Variants in HEXA observed in about 807,000 individuals in gnomAD.
HEXA encodes the protein beta-hexosaminidase subunit alpha.
Under a neutral mutation model 73.3 loss-of-function variants are expected in HEXA, and 54 were observed. The ratio of observed to expected loss-of-function variants is 0.74; its 90% CI spans 0.59 to 0.92. The LOEUF (loss-of-function observed/expected upper bound fraction) is 0.92. HEXA is among the 40% of genes least tolerant of loss of function. HEXA has a pLI of 0.00. For missense variants in HEXA, 649 were observed against 653.0 expected (o/e 0.99, Z 0.07); for synonymous variants, 230 against 246.9 (o/e 0.93, Z 0.64).
intron 4 of HEXA, 100 bp from the exon 5 acceptor site, chr15:72,353,278 T>C: frequency 1.3e-6 from 1 of 759,398 alleles, no homozygotes; most frequent in Non-Finnish European, 2.3e-6. Flanking sequence ...AAAAAGCCAA[T>C]CTGTGACTGT....
rs1365983427 is a variant in HEXA at position 72,346,321 on chromosome 15, G to A, written c.1335C>T (p.Thr445=). 1 of 1,611,952 alleles carries A rather than the reference G, an allele frequency of 6.2e-7. No homozygotes were observed. The highest frequency in any genetic ancestry group is 1.1e-5 in the South Asian group (1 of 90,996). ...YIVEPLAFEG[T]PEQKALVIGG... Reference sequence around the variant, plus strand: ...CAATCACCAGAGCCTTCTGCTCAGGGGTACCTGAGGGAAAACAAGCAACAA... The same window carrying A: ...CAATCACCAGAGCCTTCTGCTCAGGAGTACCTGAGGGAAAACAAGCAACAA... The change falls in exon 12 of 14, where the codon ACC becomes ACT. Residue 445 remains threonine (T), a synonymous_variant. Transcript: ENST00000268097.
At chr15:72,352,124 T>C (rs1006877969) in intron 5 of HEXA, among the ~76,000 whole-genome samples, 4 of 152,126 alleles carry the variant, frequency 2.6e-5, no homozygotes, top group African/African-American at 4.8e-5. Flanking sequence ...GCCTGGCTAA[T>C]TTTTTGTATT....
chr15:72,372,412 T>G (rs1016499795), intron 1 of HEXA, among the ~76,000 whole-genome samples: 1 of 151,960 alleles, frequency 6.6e-6, no homozygotes, highest in Admixed American at 6.6e-5. Flanking sequence ...TTGGAAAAAT[T>G]TGGACTTTAT....
Position 72,347,773 on chromosome 15 carries a change from A to T in HEXA, c.1074-15T>A. Reference sequence around the variant, plus strand: ...TGTCCAGCAGCCTGGAGAGGAGAGGAGTGTCTAGTAAGTGTCTGCTTAGCT... The same window carrying T: ...TGTCCAGCAGCCTGGAGAGGAGAGGTGTGTCTAGTAAGTGTCTGCTTAGCT... On this transcript the variant is annotated splice_polypyrimidine_tract_variant and intron_variant, in intron 9 of 13. Coordinates refer to ENST00000268097, the MANE Select transcript of HEXA (RefSeq NM_000520.6). The T allele has an allele frequency of 6.2e-7, 1 of 1,612,526 alleles. No individual in the cohort carries two copies.
chr15:72,345,664 A>G (rs1384645762), intron 12 of HEXA, 114 bp from the exon 13 acceptor site: 1 of 1,535,942 alleles, frequency 6.5e-7, no homozygotes, highest in African/African-American at 1.4e-5. Flanking sequence ...AGGCCAAAGG[A>G]AGTGATCAAT....
intron 13 of HEXA, chr15:72,345,203 C>G (rs1454672687): frequency 1.7e-6 from 1 of 597,876 alleles, no homozygotes; most frequent in Non-Finnish European, 2.8e-6. Flanking sequence ...TTACTTATAC[C>G]TAATACAATA....
In HEXA at chr15:72,351,248, T is replaced by A; in HGVS notation, c.571-14A>T. On this transcript the variant is annotated splice_polypyrimidine_tract_variant and intron_variant, in intron 5 of 13. Transcript: ENST00000268097. Reference sequence around the variant, plus strand: ...CGCCATGACATCCTGTAGGTTAAAGTGCACACTGTGAACCCATCACAGTCT... The same window carrying A: ...CGCCATGACATCCTGTAGGTTAAAGAGCACACTGTGAACCCATCACAGTCT... The A allele has an allele frequency of 6.5e-7, 1 of 1,537,374 alleles. No homozygotes were observed.
rs770433168 is a variant in HEXA, at chr15:72,348,075, T to C, written c.1046A>G (p.Lys349Arg). Residue 349 changes from lysine to arginine, a missense_variant, in exon 9 of 14, where the codon AAG (lysine) becomes AGG (arginine). Transcript: ENST00000268097. ...MRKKGFGEDFKQLESFYIQTL... is the reference protein window; with the variant it reads ...MRKKGFGEDFRQLESFYIQTL... ...CTGGATGTAGAAGGACTCCAGCTGC[T>C]TGAAGTCCTCACCGAAGCCTTTCTT... 6.2e-7 allele frequency: 1 copy of C among 1,613,068 alleles called. No homozygotes were observed. Among genetic ancestry groups the C allele is most frequent in the Non-Finnish European group, 8.5e-7 (1 of 1,178,998 alleles).
intron 1 of HEXA, among the ~76,000 whole-genome samples, chr15:72,364,311 T>A (rs998672037): frequency 6.6e-6 from 1 of 151,190 alleles, no homozygotes; most frequent in African/African-American, 2.4e-5. Context: ...AAAAAAAAAA[T>A]GGGATCCTAA....
chr15:72,375,245 C>G (rs1339272038), intron 1 of HEXA, among the ~76,000 whole-genome samples: 1 of 152,080 alleles, frequency 6.6e-6, no homozygotes, highest in Non-Finnish European at 1.5e-5. Context: ...CGCGCCGCCA[C>G]GCCTGGCTAA....
chr15:72,359,347 AC>A (rs766423988), intron 1 of HEXA: 1 of 151,964 alleles, frequency 6.6e-6, no homozygotes, highest in African/African-American at 2.4e-5. Context: ...TTTCATGTAA[AC>A]CTACTCTTCT....
At chr15:72,364,429 A>G (rs2088890635) in intron 1 of HEXA, among the ~76,000 whole-genome samples, 1 of 152,220 alleles carries the variant, frequency 6.6e-6, no homozygotes, top group Non-Finnish European at 1.5e-5. Context: ...TATAATTCCA[A>G]TGATGAGATA....
chr15:72,356,871 C>T (rs1344583153), intron 1 of HEXA: 1 of 575,536 alleles, frequency 1.7e-6, no homozygotes, highest in East Asian at 3.2e-5. Context: ...AACCAGGGCT[C>T]TATATTTCTG....
chr15:72,375,624 A>T, intron 1 of HEXA, 96 bp downstream of exon 1: 1 of 1,416,690 alleles, frequency 7.1e-7, no homozygotes, highest in Admixed American at 1.9e-5. Flanking sequence ...AGAGGGCTGG[A>T]CAAAAGCCCA....
intron 1 of HEXA, among the ~76,000 whole-genome samples, chr15:72,366,668 G>T (rs905502231): frequency 6.6e-6 from 1 of 151,802 alleles, no homozygotes; most frequent in Admixed American, 6.6e-5. Flanking sequence ...CTCAAGGCTG[G>T]CTATTATCCT....
In HEXA at chr15:72,344,051, C is replaced by T. The variant is rs2088579868; in HGVS notation, c.*26G>A. The stretch of plus-strand genomic sequence containing the variant: ...TGGCTCCACTACCATTCACCTACAG[C>T]CAGCACCCTCCTCGGTGCCTGGGGC... On this transcript the variant is annotated 3_prime_UTR_variant, in exon 14 of 14. Coordinates refer to ENST00000268097, the MANE Select transcript of HEXA (RefSeq NM_000520.6). 2 of 1,604,182 alleles carry T rather than the reference C, an allele frequency of 1.2e-6. No individual in the cohort carries two copies. Among genetic ancestry groups the T allele is most frequent in the African/African-American group, 1.3e-5 (1 of 74,720 alleles).
chr15:72,344,005 G>T lies in HEXA; in HGVS notation c.*72C>A, dbSNP rs1193184855. On this transcript the variant is annotated 3_prime_UTR_variant, in exon 14 of 14. Coordinates refer to ENST00000268097, the MANE Select transcript of HEXA (RefSeq NM_000520.6). The stretch of plus-strand genomic sequence containing the variant: ...ACGAAGGCAAGGGGCTCCGTCCCCT[G>T]GCCAGGATGCAGTGGAAGCCTGGCT... The T allele has an allele frequency of 7.6e-7, 1 of 1,322,678 alleles. No homozygotes were observed. Among genetic ancestry groups the T allele is most frequent in the Non-Finnish European group, 1.1e-6 (1 of 916,528 alleles). The allele number at this position is 1,322,678 out of a possible 1,614,324, so 81.9% of individuals were successfully genotyped here. A position where few individuals can be genotyped will look rare whatever the true frequency, so the allele number is the denominator to read the frequency against.
rs2089052653 is a variant in HEXA at position 72,375,603 on chromosome 15, T to C, written c.253+117A>G. The stretch of plus-strand genomic sequence containing the variant: ...AATGCAGCTCGAGGAGGAAGTGGAG[T>C]GCCTGTGATCAGAGGGCTGGACAAA... On this transcript the variant is annotated intron_variant, in intron 1 of 13. Coordinates refer to ENST00000268097, the MANE Select transcript of HEXA (RefSeq NM_000520.6). 14 of 1,086,236 alleles carry C rather than the reference T, an allele frequency of 1.3e-5. No homozygotes were observed. In the South Asian group the frequency reaches 2.0e-4, roughly 16 times the overall value. The allele number at this position is 1,086,236 out of a possible 1,614,324, so 67.3% of individuals were successfully genotyped here.
At position 72,346,748 on chromosome 15, in the gene HEXA, C is replaced by G. The variant is rs543414583; in HGVS notation, c.1147-38G>C. 62 of 1,597,328 alleles carry G rather than the reference C, an allele frequency of 3.9e-5. 1 individual carries two copies. Among genetic ancestry groups the G allele is most frequent in the Non-Finnish European group, 4.6e-5 (54 of 1,165,302 alleles). ...GTCAAATGGCAGTAAGGACACAAAGCTGAGGAGATTCCTGGGCCTTATTCA... is the reference window on the plus strand; with the variant it reads ...GTCAAATGGCAGTAAGGACACAAAGGTGAGGAGATTCCTGGGCCTTATTCA... On this transcript the variant is annotated intron_variant, in intron 10 of 13. Coordinates refer to ENST00000268097, the MANE Select transcript of HEXA (RefSeq NM_000520.6).
Sources: allele counts gnomAD v4.1 joint callset (sites outside exome capture counted in the v4.1 genomes callset), GRCh38; gene constraint gnomAD v4.1.1; transcripts MANE v1.5; gene names NCBI Gene and HGNC (gene_info 2026-07-23, HGNC 2026-07-21).